HPSE2: variants seen among roughly 807,000 people sequenced by gnomAD.
HPSE2 encodes inactive heparanase-2.
Under a neutral mutation model 60.5 loss-of-function variants are expected in HPSE2, and 38 were observed. The ratio of observed to expected loss-of-function variants is 0.63; its 90% CI spans 0.48 to 0.82. The LOEUF is 0.82. Ranked by LOEUF, HPSE2 falls within the 40% of genes least tolerant of loss-of-function variation. The pLI is 0.00. For missense variants in HPSE2, 713 were observed against 740.4 expected, an observed-to-expected ratio of 0.96 and a Z score of 0.43; for synonymous variants, 295 against 293.2, an observed-to-expected ratio of 1.01 and a Z score of -0.06.
intron 3 of HPSE2, among the ~76,000 whole-genome samples, chr10:98,975,893 T>A (rs1956072668): frequency 6.6e-6 from 1 of 152,164 alleles, no homozygotes. Context: ...GGAAAGAATC[T>A]TATAATTAAT....
intron 3 of HPSE2, among the ~76,000 whole-genome samples, chr10:99,125,054 C>T (rs889177147): frequency 6.6e-6 from 1 of 152,250 alleles, no homozygotes; most frequent in Non-Finnish European, 1.5e-5. Context: ...ACAGTAAGCA[C>T]TCAGCAAATG....
At chr10:98,539,860 G>A (rs949568932) in intron 9 of HPSE2, among the ~76,000 whole-genome samples, 3 of 151,516 alleles carry the variant, frequency 2.0e-5, no homozygotes, top group Non-Finnish European at 4.4e-5. Context: ...CCCACCTTAG[G>A]CACACCTTTC....
Position 98,510,892 on chromosome 10 carries a change from A to G in HPSE2, c.1321-20696T>C, listed in dbSNP as rs145640725. On this transcript the variant is annotated intron_variant, in intron 9 of 11. Coordinates refer to ENST00000370552, the MANE Select transcript of HPSE2 (RefSeq NM_021828.5). Reference sequence around the variant, plus strand: ...CGGGAACCACTTGTAGTACTTTGGGAATTCAGAAGAGGAAATTATTTTTTA... The same window carrying G: ...CGGGAACCACTTGTAGTACTTTGGGGATTCAGAAGAGGAAATTATTTTTTA... Among the ~76,000 whole-genome samples, 6 of 152,346 alleles carry G rather than the reference A, an allele frequency of 3.9e-5. No homozygotes were observed. The East Asian group carries it at 1.2e-3, about 29-fold the overall frequency.
At chr10:98,788,235 G>A (rs1950572263) in intron 3 of HPSE2, among the ~76,000 whole-genome samples, 1 of 47,802 alleles carries the variant, frequency 2.1e-5, no homozygotes, top group Non-Finnish European at 5.9e-5. Context: ...CTGCTGGGGG[G>A]TGCCTCCCAG....
chr10:99,116,085 G>A (rs1455549448), intron 3 of HPSE2, among the ~76,000 whole-genome samples: 1 of 152,012 alleles, frequency 6.6e-6, no homozygotes, highest in Non-Finnish European at 1.5e-5. Context: ...AACCCAAAAT[G>A]TTTAGCTAAA....
intron 3 of HPSE2, among the ~76,000 whole-genome samples, chr10:98,975,652 T>C (rs961271392): frequency 1.3e-5 from 2 of 152,176 alleles, no homozygotes; most frequent in African/African-American, 4.8e-5. Context: ...TTCAGGAAAT[T>C]CTCTTTCATA....
In HPSE2 at chr10:98,672,129, T is replaced by C. The variant is rs115998614; in HGVS notation, c.1004+21771A>G. On this transcript the variant is annotated intron_variant, in intron 6 of 11. Coordinates refer to ENST00000370552, the MANE Select transcript of HPSE2 (RefSeq NM_021828.5). ...CTTCTATAGGCCAAGTACAGAACTT[T>C]AACAGAAGTGGTTGCTGTTGGTAGT... Among the ~76,000 whole-genome samples the C allele has an allele frequency of 1.2e-3, 185 of 152,350 alleles. 1 individual carries two copies. Among genetic ancestry groups the C allele is most frequent in the African/African-American group, 4.2e-3 (174 of 41,588 alleles).
chr10:98,628,047 A>G (rs1231560239), intron 7 of HPSE2, among the ~76,000 whole-genome samples: 1 of 152,248 alleles, frequency 6.6e-6, no homozygotes, highest in Non-Finnish European at 1.5e-5. Flanking sequence ...TTTGATACAA[A>G]AACTAAACCA....
At chr10:98,521,170 C>T (rs1320050433) in intron 9 of HPSE2, among the ~76,000 whole-genome samples, 6 of 152,124 alleles carry the variant, frequency 3.9e-5, no homozygotes, top group Admixed American at 1.3e-4. Flanking sequence ...AGCTTCTGCA[C>T]GGCAAAAGAA....
At chr10:98,918,437 C>T (rs1182067840) in intron 3 of HPSE2, among the ~76,000 whole-genome samples, 1 of 151,268 alleles carries the variant, frequency 6.6e-6, no homozygotes, top group African/African-American at 2.4e-5. Flanking sequence ...CCCAAATGTC[C>T]AACAATGATA....
chr10:98,545,606 C>A (rs963032675), intron 9 of HPSE2, among the ~76,000 whole-genome samples: 2 of 152,076 alleles, frequency 1.3e-5, no homozygotes, highest in South Asian at 2.1e-4. Context: ...ATTCAACAAC[C>A]CTTCATGCTA....
chr10:98,780,596 T>C (rs1213163218), intron 3 of HPSE2, among the ~76,000 whole-genome samples: 1 of 151,932 alleles, frequency 6.6e-6, no homozygotes, highest in Non-Finnish European at 1.5e-5. Flanking sequence ...TAGTGGAGAT[T>C]GAGAAAGAAA....
chr10:99,015,669 G>T (rs373068304), intron 3 of HPSE2, among the ~76,000 whole-genome samples: 23 of 151,982 alleles, frequency 1.5e-4, no homozygotes, highest in Middle Eastern at 3.2e-3. Flanking sequence ...GGCCTGTTGT[G>T]GGGTGGGGGG....
At chr10:99,089,266 G>GT (rs915514345) in intron 3 of HPSE2, among the ~76,000 whole-genome samples, 23 of 152,282 alleles carry the variant, frequency 1.5e-4, no homozygotes, top group African/African-American at 5.3e-4. Flanking sequence ...GTCTAGAAGG[G>GT]TTTTTCCGAT....
At chr10:98,766,942 C>CA (rs909180802) in intron 3 of HPSE2, among the ~76,000 whole-genome samples, 2 of 151,538 alleles carry the variant, frequency 1.3e-5, no homozygotes, top group Admixed American at 6.6e-5. Flanking sequence ...AAAAACAAAA[C>CA]AAAAAAAACC....
At chr10:99,266,768 CAA>C in the HPSE2 span, among the ~76,000 whole-genome samples, 2 of 152,294 alleles carry the variant, frequency 1.3e-5, no homozygotes, top group Middle Eastern at 3.4e-3. Flanking sequence ...CCACCTCTAA[CAA>C]AGCAGGTGCT....
chr10:99,031,705 AAAC>A (rs1438214571), intron 3 of HPSE2, among the ~76,000 whole-genome samples: 4 of 152,218 alleles, frequency 2.6e-5, no homozygotes, highest in African/African-American at 9.6e-5. Context: ...GGGAAACAGA[AAAC>A]AACCAGTTTT....
At chr10:98,947,613 G>T (rs899936020) in intron 3 of HPSE2, among the ~76,000 whole-genome samples, 3 of 152,066 alleles carry the variant, frequency 2.0e-5, no homozygotes, top group African/African-American at 7.2e-5. Flanking sequence ...GCCACACAAA[G>T]GACATTTATT....
At chr10:98,886,424 A>T (rs11189853) in intron 3 of HPSE2, among the ~76,000 whole-genome samples, 1 of 152,054 alleles carries the variant, frequency 6.6e-6, no homozygotes, top group African/African-American at 2.4e-5. Flanking sequence ...CAGTGCATCT[A>T]TTATGTATAA....
Sources: allele counts gnomAD v4.1 joint callset (sites outside exome capture counted in the v4.1 genomes callset), GRCh38; gene constraint gnomAD v4.1.1; transcripts MANE v1.5; gene names NCBI Gene and HGNC (gene_info 2026-07-23, HGNC 2026-07-21).